The following SMPD3 variants were observed in gnomAD, a reference collection of about 807,000 sequenced individuals.
SMPD3 encodes sphingomyelin phosphodiesterase 3, also known as nSMase-2.
SMPD3 carries 21 observed loss-of-function variants against 55.7 expected under a neutral mutation model. The ratio of observed to expected loss-of-function variants is 0.38; its 90% CI spans 0.27 to 0.54. The LOEUF (loss-of-function observed/expected upper bound fraction) is 0.54, where lower values mean the gene tolerates loss of function less well. Ranked by LOEUF, SMPD3 falls within the 20% of genes least tolerant of loss-of-function variation. The probability of loss-of-function intolerance (pLI) is 0.80; values close to 1 mark genes in which losing one functional copy is unlikely to be tolerated. For missense variants in SMPD3, 842 were observed against 899.6 expected (o/e 0.94, Z 0.82); for synonymous variants, 457 against 404.3 (o/e 1.13, Z -1.56).
chr16:68,363,254 T>G (rs954828624), intron 7 of SMPD3, among the ~76,000 whole-genome samples: 14 of 152,034 alleles, frequency 9.2e-5, no homozygotes, highest in African/African-American at 3.4e-4. Context: ...GAAAACAGGT[T>G]TGGGAAATAC....
chr16:68,444,714 T>C (rs2090596924), intron 1 of SMPD3, among the ~76,000 whole-genome samples: 1 of 152,180 alleles, frequency 6.6e-6, no homozygotes, highest in African/African-American at 2.4e-5. Context: ...AAACATAAAA[T>C]AACGTTATTG....
intron 2 of SMPD3, among the ~76,000 whole-genome samples, chr16:68,379,135 C>T (rs918400970): frequency 6.6e-6 from 1 of 152,270 alleles, no homozygotes; most frequent in African/African-American, 2.4e-5. Context: ...TGCAAACCTC[C>T]TGTGGCTCCC....
At chr16:68,445,088 C>T (rs2090599958) in intron 1 of SMPD3, among the ~76,000 whole-genome samples, 1 of 152,244 alleles carries the variant, frequency 6.6e-6, no homozygotes, top group Non-Finnish European at 1.5e-5. Context: ...TCTCTCTCCC[C>T]CACTTCTGTC....
At chr16:68,379,599 T>C (rs998065428) in intron 2 of SMPD3, among the ~76,000 whole-genome samples, 1 of 152,292 alleles carries the variant, frequency 6.6e-6, no homozygotes, top group East Asian at 1.9e-4. Flanking sequence ...GCGAGGACAG[T>C]GCAGGGGACG....
In SMPD3 at chr16:68,421,279, C is replaced by T. The variant is rs79633353; in HGVS notation, c.-269+27074G>A. Among the ~76,000 whole-genome samples, 869 of 152,342 alleles carry T rather than the reference C, an allele frequency of 5.7e-3. 11 individuals carry two copies. Among genetic ancestry groups the T allele is most frequent in the African/African-American group, 0.02 (838 of 41,576 alleles). ...CCCCATTCCCAGCTCTGCCCTCGCA[C>T]ATCTGCCACCTGCTTTCTGTGGCTC... is the stretch of plus-strand genomic sequence containing the variant. On this transcript the variant is annotated intron_variant, in intron 1 of 8. Transcript: ENST00000219334.
chr16:68,400,846 G>A (rs775045410), intron 1 of SMPD3, among the ~76,000 whole-genome samples: 13 of 152,244 alleles, frequency 8.5e-5, no homozygotes, highest in Non-Finnish European at 1.9e-4. Flanking sequence ...CTGTAACTGG[G>A]TTCAGGTACA....
In SMPD3 at chr16:68,358,916, G is replaced by T. The variant is rs954760708; in HGVS notation, c.*2290C>A. Reference sequence around the variant, plus strand: ...CCACAATGAGACACGTGGGTGGGGGGGTCCCGGTCTTGGTGCTGAGGGAGG... The same window carrying T: ...CCACAATGAGACACGTGGGTGGGGGTGTCCCGGTCTTGGTGCTGAGGGAGG... On this transcript the variant is annotated 3_prime_UTR_variant, in exon 9 of 9. Coordinates refer to ENST00000219334, the MANE Select transcript of SMPD3 (RefSeq NM_018667.4). The T allele has an allele frequency of 1.4e-4, 21 of 152,740 alleles. No homozygotes were observed. Among genetic ancestry groups the T allele is most frequent in the African/African-American group, 4.1e-4 (17 of 41,596 alleles). 9.5% of individuals were successfully genotyped at this position (152,740 alleles called of 1,614,324 possible).
chr16:68,377,443 C>T (rs576557182), intron 2 of SMPD3, among the ~76,000 whole-genome samples: 1 of 152,322 alleles, frequency 6.6e-6, no homozygotes, highest in Admixed American at 6.5e-5. Context: ...CTGCGAGTGA[C>T]TGATAATTTG....
At chr16:68,376,839 AGCTTGG>A (rs1231970310) in intron 2 of SMPD3, among the ~76,000 whole-genome samples, 3 of 152,214 alleles carry the variant, frequency 2.0e-5, no homozygotes, top group African/African-American at 4.8e-5. Flanking sequence ...GCCACTGCTT[AGCTTGG>A]GCTTGGGACT....
intron 1 of SMPD3, among the ~76,000 whole-genome samples, chr16:68,388,449 G>C (rs1406037007): frequency 6.6e-6 from 1 of 152,166 alleles, no homozygotes; most frequent in Non-Finnish European, 1.5e-5. Flanking sequence ...CAAGCATCTG[G>C]CATTAGACAT....
intron 2 of SMPD3, among the ~76,000 whole-genome samples, chr16:68,372,626 C>G (rs2089701765): frequency 6.6e-6 from 1 of 152,220 alleles, no homozygotes; most frequent in Non-Finnish European, 1.5e-5. Context: ...CTGCCCCTAA[C>G]TAACCATCTT....
chr16:68,372,522 G>C, intron 2 of SMPD3, 135 bp from the exon 3 acceptor site: 1 of 397,808 alleles, frequency 2.5e-6, no homozygotes, highest in Non-Finnish European at 4.6e-6. Context: ...CCAGGCTGGA[G>C]CTGGCAGGCT....
At chr16:68,382,948 G>A (rs538406154) in intron 2 of SMPD3, among the ~76,000 whole-genome samples, 1 of 152,278 alleles carries the variant, frequency 6.6e-6, no homozygotes, top group Admixed American at 6.5e-5. Flanking sequence ...GGGCTCAAGC[G>A]ATTCTCCTGC....
Position 68,371,450 on chromosome 16 carries a change from G to A in SMPD3, c.732C>T (p.Ile244=), listed in dbSNP as rs749704784. The A allele has an allele frequency of 1.6e-5, 26 of 1,590,122 alleles. No homozygotes were observed. The highest frequency in any genetic ancestry group is 6.9e-5 in the Admixed American group (4 of 57,678). The change falls in exon 3 of 9, where the codon ATC becomes ATT. Residue 244 remains isoleucine, a synonymous_variant. Transcript: ENST00000219334. ...CGCCCTCCTCGCCACCGATGCGCAC[G>A]ATGCAGGCATCCTCCGGGCTGCTGC... ...VDSSSPEDAC[I]VRIGGEEGGR...
chr16:68,437,635 A>T (rs1010332264), intron 1 of SMPD3, among the ~76,000 whole-genome samples: 3 of 152,122 alleles, frequency 2.0e-5, no homozygotes, highest in Admixed American at 6.6e-5. Context: ...TTGCACATCA[A>T]AACTCTTTAC....
intron 2 of SMPD3, among the ~76,000 whole-genome samples, chr16:68,373,877 C>T (rs1187783103): frequency 3.9e-5 from 6 of 152,188 alleles, no homozygotes; most frequent in Non-Finnish European, 7.3e-5. Context: ...TGTGTCCCGT[C>T]CCTGCCTGCC....
chr16:68,448,218 C>A lies in SMPD3; in HGVS notation c.-269+135G>T, dbSNP rs376403597. 934 of 152,646 alleles carry A rather than the reference C, an allele frequency of 6.1e-3. 5 individuals are homozygous for A. The highest frequency in any genetic ancestry group is 0.024 in the Middle Eastern group (7 of 296). The allele number at this position is 152,646 out of a possible 1,614,324, so 9.5% of individuals were successfully genotyped here. A position where few individuals can be genotyped will look rare whatever the true frequency, so the allele number is the denominator to read the frequency against. ...ACCTCCGGCGCCCGGCCACGGGAGG[C>A]CCCTAGTCAGTCGGCGGCTGTCCGG... On this transcript the variant is annotated intron_variant, in intron 1 of 8. Coordinates refer to ENST00000219334, the MANE Select transcript of SMPD3 (RefSeq NM_018667.4).
At chr16:68,391,573 A>G (rs1025122814) in intron 1 of SMPD3, among the ~76,000 whole-genome samples, 4 of 152,184 alleles carry the variant, frequency 2.6e-5, no homozygotes, top group African/African-American at 9.7e-5. Flanking sequence ...CTTTGTAGGT[A>G]TTCAGTGATC....
rs1399463358 is a variant in SMPD3, at chr16:68,360,863, T to C, written c.*343A>G. On this transcript the variant is annotated 3_prime_UTR_variant, in exon 9 of 9. Coordinates refer to ENST00000219334, the MANE Select transcript of SMPD3 (RefSeq NM_018667.4). The stretch of plus-strand genomic sequence containing the variant: ...GGCAGCAGACAAAAATAAAGAACCC[T>C]GGACGAAGCTTAAGAGGAGATACAG... 4 of 248,266 alleles carry C rather than the reference T, an allele frequency of 1.6e-5. No homozygotes were observed. Among genetic ancestry groups the C allele is most frequent in the Admixed American group, 5.1e-5 (1 of 19,790 alleles). The allele number at this position is 248,266 out of a possible 1,614,324, so 15.4% of individuals were successfully genotyped here. A position where few individuals can be genotyped will look rare whatever the true frequency, so the allele number is the denominator to read the frequency against.
Sources: gnomAD v4.1 joint callset for allele counts (sites outside exome capture counted in the v4.1 genomes callset) on GRCh38, gnomAD v4.1.1 for gene constraint, MANE v1.5 for transcripts, NCBI Gene and HGNC (gene_info 2026-07-23, HGNC 2026-07-21) for gene names.